Variants in PKIA observed in about 807,000 individuals in gnomAD.
PKIA encodes the protein cAMP-dependent protein kinase inhibitor alpha, also known as PKI-alpha.
In PKIA, 4 loss-of-function variants were observed where a neutral mutation model predicts 7.6. The ratio of observed to expected loss-of-function variants is 0.52; its 90% CI spans 0.26 to 1.20. PKIA has a LOEUF of 1.20. Ranked by LOEUF, PKIA falls within the 50% of genes most tolerant of loss-of-function variation. The pLI, the probability that PKIA is intolerant of heterozygous loss-of-function variation, is 0.13. For synonymous variants in PKIA, 21 were observed against 30.7 expected (o/e 0.68, Z 1.04); for missense variants, 73 against 86.2 (o/e 0.85, Z 0.61).
At chr8:78,520,995 G>C (rs1236030110) in intron 1 of PKIA, among the ~76,000 whole-genome samples, 2 of 152,076 alleles carry the variant, frequency 1.3e-5, no homozygotes, top group African/African-American at 4.8e-5. Context: ...TGACTAGGAA[G>C]CAAGTGCTAG....
chr8:78,549,382 G>C (rs1000643771), intron 1 of PKIA, among the ~76,000 whole-genome samples: 1 of 151,792 alleles, frequency 6.6e-6, no homozygotes, highest in African/African-American at 2.4e-5. Flanking sequence ...TAATAAAAAA[G>C]GTGGCAAGAT....
At chr8:78,571,982 A>G (rs1807560861) in intron 1 of PKIA, among the ~76,000 whole-genome samples, 1 of 151,666 alleles carries the variant, frequency 6.6e-6, no homozygotes, top group Admixed American at 6.6e-5. Context: ...AGATCATGTC[A>G]TTTGTTTTCC....
Position 78,603,147 on chromosome 8 carries a change from A to T in PKIA, c.*1326A>T, listed in dbSNP as rs1808393053. On this transcript the variant is annotated 3_prime_UTR_variant, in exon 4 of 4. Transcript: ENST00000396418. The stretch of plus-strand genomic sequence containing the variant: ...GCTTCTTATATGGAAAGTTTTTGTG[A>T]GCTGTGTAATCCCTCTGGTCAGTAT... 6.6e-6 allele frequency: 1 copy of T among 152,360 alleles called. No individual in the cohort carries two copies. The highest frequency in any genetic ancestry group is 1.5e-5 in the Non-Finnish European group (1 of 67,948). 9.4% of individuals were successfully genotyped at this position (152,360 alleles called of 1,614,324 possible).
At chr8:78,541,497 A>G (rs926966993) in intron 1 of PKIA, among the ~76,000 whole-genome samples, 14 of 152,272 alleles carry the variant, frequency 9.2e-5, no homozygotes, top group African/African-American at 3.4e-4. Context: ...CATCCTTATT[A>G]AACATGATCT....
In PKIA at chr8:78,595,699, C is replaced by T. The variant is rs376294768; in HGVS notation, c.-27-2659C>T. ...AACGTGCAGTGTTTGGTTTTCTGTTCCTGCATTAATTTACTTAGGATAATG... is the reference window on the plus strand; with the variant it reads ...AACGTGCAGTGTTTGGTTTTCTGTTTCTGCATTAATTTACTTAGGATAATG... On this transcript the variant is annotated intron_variant, in intron 2 of 3. Coordinates refer to ENST00000396418, the MANE Select transcript of PKIA (RefSeq NM_006823.4). Among the ~76,000 whole-genome samples, 9 of 152,244 alleles carry T rather than the reference C, an allele frequency of 5.9e-5. No homozygotes were observed. In the East Asian group the frequency reaches 1.5e-3, roughly 26 times the overall value.
chr8:78,593,178 A>C (rs1321387622), intron 2 of PKIA, among the ~76,000 whole-genome samples: 1 of 152,174 alleles, frequency 6.6e-6, no homozygotes, highest in Non-Finnish European at 1.5e-5. Context: ...GCTGAAATGC[A>C]GTGACCCAAT....
chr8:78,576,677 G>A (rs543544757), intron 2 of PKIA, among the ~76,000 whole-genome samples: 1 of 152,030 alleles, frequency 6.6e-6, no homozygotes, highest in South Asian at 2.1e-4. Flanking sequence ...GCTAATGAGT[G>A]AACTGTGCAG....
At chr8:78,559,721 A>G in intron 1 of PKIA, among the ~76,000 whole-genome samples, 1 of 152,194 alleles carries the variant, frequency 6.6e-6, no homozygotes, top group East Asian at 1.9e-4. Flanking sequence ...GCAAACCAGC[A>G]TAGTTCTTTT....
intron 2 of PKIA, among the ~76,000 whole-genome samples, chr8:78,584,241 A>G (rs1807894742): frequency 6.6e-6 from 1 of 151,968 alleles, no homozygotes; most frequent in African/African-American, 2.4e-5. Context: ...TTGAAAAACA[A>G]TTATTATCAT....
intron 2 of PKIA, among the ~76,000 whole-genome samples, chr8:78,589,547 C>T (rs1295598810): frequency 1.3e-5 from 2 of 149,106 alleles, no homozygotes; most frequent in Non-Finnish European, 3.0e-5. Context: ...TGATGCCATT[C>T]GGGGTGGGGA....
rs2130309533 is a variant in PKIA, at chr8:78,604,996, A to G, written c.*3175A>G. 2 of 152,152 alleles carry G rather than the reference A, an allele frequency of 1.3e-5. No homozygotes were observed. Among genetic ancestry groups the G allele is most frequent in the Admixed American group, 1.3e-4 (2 of 15,246 alleles). 9.4% of individuals were successfully genotyped at this position (152,152 alleles called of 1,614,324 possible). A position where few individuals can be genotyped will look rare whatever the true frequency, so the allele number is the denominator to read the frequency against. On this transcript the variant is annotated 3_prime_UTR_variant, in exon 4 of 4. Transcript: ENST00000396418. Reference sequence around the variant, plus strand: ...GATACTGCTATTTCTCTTCAGGGAAACAATAATGGATAAAGAAATGTAACT... The same window carrying G: ...GATACTGCTATTTCTCTTCAGGGAAGCAATAATGGATAAAGAAATGTAACT...
At chr8:78,595,623 C>G (rs1343926412) in intron 2 of PKIA, among the ~76,000 whole-genome samples, 1 of 152,088 alleles carries the variant, frequency 6.6e-6, no homozygotes, top group African/African-American at 2.4e-5. Context: ...TCTATTCTTC[C>G]CTTCTTTGTG....
chr8:78,527,660 A>G (rs1806281615), intron 1 of PKIA, among the ~76,000 whole-genome samples: 1 of 152,076 alleles, frequency 6.6e-6, no homozygotes, highest in Non-Finnish European at 1.5e-5. Flanking sequence ...ATGTCATATT[A>G]ATTTTTAAGT....
At chr8:78,564,672 T>C (rs1402971304) in intron 1 of PKIA, among the ~76,000 whole-genome samples, 1 of 151,886 alleles carries the variant, frequency 6.6e-6, no homozygotes, top group Non-Finnish European at 1.5e-5. Context: ...AATCATTATA[T>C]AAAGGTGTTC....
chr8:78,529,385 A>T (rs1806336385), intron 1 of PKIA, among the ~76,000 whole-genome samples: 1 of 152,012 alleles, frequency 6.6e-6, no homozygotes. Flanking sequence ...ATTTAATCAG[A>T]TTTTCCTTTA....
At chr8:78,578,567 C>T (rs1008511414) in intron 2 of PKIA, among the ~76,000 whole-genome samples, 1 of 151,844 alleles carries the variant, frequency 6.6e-6, no homozygotes, top group Non-Finnish European at 1.5e-5. Flanking sequence ...TAAAAGCTCT[C>T]GTTAGAATAT....
In PKIA at chr8:78,604,855, A is replaced by G. The variant is rs1167287360; in HGVS notation, c.*3034A>G. On this transcript the variant is annotated 3_prime_UTR_variant, in exon 4 of 4. Transcript: ENST00000396418. ...TTCATAGAAATATTTTTAAAAATAA[A>G]TAACAGACATTGAAATCCAATTCTT... The G allele has an allele frequency of 6.6e-6, 1 of 152,054 alleles. No individual in the cohort carries two copies. Among genetic ancestry groups the G allele is most frequent in the East Asian group, 1.9e-4 (1 of 5,196 alleles). 9.4% of individuals were successfully genotyped at this position (152,054 alleles called of 1,614,324 possible).
intron 1 of PKIA, among the ~76,000 whole-genome samples, chr8:78,533,514 C>T (rs74387574): frequency 0.024 from 3,615 of 152,182 alleles, 120 homozygotes; most frequent in African/African-American, 0.071. Flanking sequence ...ATACAATCTA[C>T]ATTCTAATTT....
intron 1 of PKIA, among the ~76,000 whole-genome samples, chr8:78,520,402 C>A (rs1387409917): frequency 6.6e-6 from 1 of 152,142 alleles, no homozygotes; most frequent in East Asian, 1.9e-4. Context: ...AGTATTATTG[C>A]ATTGAAGGCA....
Sources: gnomAD v4.1 joint callset for allele counts (sites outside exome capture counted in the v4.1 genomes callset) on GRCh38, gnomAD v4.1.1 for gene constraint, MANE v1.5 for transcripts, NCBI Gene and HGNC (gene_info 2026-07-23, HGNC 2026-07-21) for gene names.